The following ASPRV1 variants were observed in gnomAD, a reference collection of about 807,000 sequenced individuals.
ASPRV1 encodes the protein aspartic peptidase retroviral like 1.
Under a neutral mutation model 11.0 loss-of-function variants are expected in ASPRV1, and 7 were observed. That is an observed-to-expected ratio of 0.64 (90% CI 0.36 to 1.20). The LOEUF is 1.20. Ranked by LOEUF, ASPRV1 falls within the 50% of genes most tolerant of loss-of-function variation. The probability of loss-of-function intolerance (pLI) is 0.02; values close to 1 mark genes in which losing one functional copy is unlikely to be tolerated. For missense variants in ASPRV1, 299 were observed against 320.0 expected (o/e 0.93, Z 0.50); for synonymous variants, 136 against 138.4 (o/e 0.98, Z 0.12).
the ASPRV1 span, among the ~76,000 whole-genome samples, chr2:70,066,932 G>C: frequency 6.6e-6 from 1 of 152,168 alleles, no homozygotes; most frequent in African/African-American, 2.4e-5. Flanking sequence ...GTAGTGTGGA[G>C]ACTGGAATGG....
At chr2:70,011,441 G>C in the ASPRV1 span, among the ~76,000 whole-genome samples, 1 of 152,134 alleles carries the variant, frequency 6.6e-6, no homozygotes, top group African/African-American at 2.4e-5. Context: ...GGAGAGCAGG[G>C]AGAGATTGGG....
chr2:70,027,606 C>G, the ASPRV1 span, among the ~76,000 whole-genome samples: 7 of 151,932 alleles, frequency 4.6e-5, no homozygotes, highest in Admixed American at 1.3e-4. Flanking sequence ...AAAACCAAGG[C>G]CATTATGTTA....
the ASPRV1 span, among the ~76,000 whole-genome samples, chr2:69,977,860 A>G: frequency 6.6e-6 from 1 of 152,190 alleles, no homozygotes; most frequent in Admixed American, 6.5e-5. Context: ...GGAGGTGACA[A>G]AGTAGCCAGT....
chr2:70,071,691 GA>G, the ASPRV1 span: 2 of 152,110 alleles, frequency 1.3e-5, no homozygotes, highest in South Asian at 4.1e-4. Context: ...GCAGTGAGCC[GA>G]TATCGTGCCA....
chr2:70,056,911 A>AT, the ASPRV1 span, among the ~76,000 whole-genome samples: 13 of 151,688 alleles, frequency 8.6e-5, no homozygotes, highest in South Asian at 2.1e-4. Context: ...ATTTTTTTGT[A>AT]TTTTTAGTAG....
chr2:70,026,585 A>C, the ASPRV1 span, among the ~76,000 whole-genome samples: 15 of 152,152 alleles, frequency 9.9e-5, no homozygotes, highest in South Asian at 6.2e-4. Flanking sequence ...AAATCAAGAA[A>C]GGAATTCCAC....
chr2:69,978,536 G>C, the ASPRV1 span, among the ~76,000 whole-genome samples: 2 of 152,182 alleles, frequency 1.3e-5, no homozygotes, highest in African/African-American at 4.8e-5. Context: ...ACAGCCTTAG[G>C]CCAAACCCAG....
At chr2:70,016,818 T>C in the ASPRV1 span, among the ~76,000 whole-genome samples, 8 of 150,578 alleles carry the variant, frequency 5.3e-5, no homozygotes, top group Admixed American at 4.0e-4. Flanking sequence ...TCCTCCAGCC[T>C]GGACAACAAG....
the ASPRV1 span, among the ~76,000 whole-genome samples, chr2:69,949,617 C>T: frequency 6.6e-6 from 1 of 152,190 alleles, no homozygotes; most frequent in Non-Finnish European, 1.5e-5. Flanking sequence ...GTATACTCCA[C>T]ATTATTTTTC....
the ASPRV1 span, among the ~76,000 whole-genome samples, chr2:70,067,979 C>T: frequency 4.6e-5 from 7 of 152,208 alleles, no homozygotes; most frequent in South Asian, 1.0e-3. Flanking sequence ...TCCCATCCTC[C>T]ACTGGCCTTG....
chr2:69,932,838 C>A, the ASPRV1 span, among the ~76,000 whole-genome samples: 1 of 152,168 alleles, frequency 6.6e-6, no homozygotes, highest in Non-Finnish European at 1.5e-5. Flanking sequence ...TGACACTGTT[C>A]TGAATCATGC....
chr2:69,984,849 C>T, the ASPRV1 span, among the ~76,000 whole-genome samples: 1 of 147,164 alleles, frequency 6.8e-6, no homozygotes, highest in East Asian at 2.0e-4. Context: ...AAACTCCTGT[C>T]AGGGCCAGCT....
At chr2:70,025,638 G>A in the ASPRV1 span, among the ~76,000 whole-genome samples, 1 of 152,202 alleles carries the variant, frequency 6.6e-6, no homozygotes, top group Non-Finnish European at 1.5e-5. Context: ...GCCCTTAGCA[G>A]CCCCTCAGGC....
At chr2:69,994,346 G>C in the ASPRV1 span, 2 of 152,480 alleles carry the variant, frequency 1.3e-5, no homozygotes, top group Non-Finnish European at 2.9e-5. Flanking sequence ...TACGTGTCTA[G>C]TGTGTTCTAT....
At chr2:69,996,765 T>C in the ASPRV1 span, 1 of 456,580 alleles carries the variant, frequency 2.2e-6, no homozygotes, top group South Asian at 1.5e-5. Context: ...TGAGTCTGTG[T>C]GACACATGGG....
At chr2:70,072,889 A>ATT in the ASPRV1 span, among the ~76,000 whole-genome samples, 1 of 144,294 alleles carries the variant, frequency 6.9e-6, no homozygotes, top group Non-Finnish European at 1.5e-5. Context: ...TTGTCTCTAT[A>ATT]AAAAACTAAA....
At chr2:70,016,771 G>A in the ASPRV1 span, among the ~76,000 whole-genome samples, 4 of 151,686 alleles carry the variant, frequency 2.6e-5, no homozygotes, top group East Asian at 1.9e-4. Flanking sequence ...TTGAACCTAC[G>A]AGGCAGAGGT....
At chr2:70,042,382 T>C in the ASPRV1 span, among the ~76,000 whole-genome samples, 2 of 152,054 alleles carry the variant, frequency 1.3e-5, no homozygotes, top group Admixed American at 6.5e-5. Flanking sequence ...TACTAAAGCC[T>C]AGATGCAAGA....
At chr2:70,044,013 C>T in the ASPRV1 span, among the ~76,000 whole-genome samples, 1 of 152,110 alleles carries the variant, frequency 6.6e-6, no homozygotes, top group South Asian at 2.1e-4. Flanking sequence ...AGGCCTTTAT[C>T]TCAAACTCAT....
Sources: allele counts gnomAD v4.1 joint callset (sites outside exome capture counted in the v4.1 genomes callset), GRCh38; gene constraint gnomAD v4.1.1; transcripts MANE v1.5; gene names NCBI Gene and HGNC (gene_info 2026-07-23, HGNC 2026-07-21).